ELMO1: variants seen among roughly 807,000 people sequenced by gnomAD.
The protein encoded by ELMO1 is engulfment and cell motility 1.
A neutral mutation model predicts 98.9 loss-of-function variants in ELMO1; 26 were observed. That is an observed-to-expected ratio of 0.26 (90% CI 0.19 to 0.36). The LOEUF is 0.36. Ranked by LOEUF, ELMO1 falls within the 10% of genes least tolerant of loss-of-function variation. The probability of loss-of-function intolerance (pLI) is 1.00; values close to 1 mark genes in which losing one functional copy is unlikely to be tolerated. For missense variants in ELMO1, 627 were observed against 935.2 expected (o/e 0.67, Z 4.30); for synonymous variants, 346 against 346.0 (o/e 1.00, Z 0.00).
intron 16 of ELMO1, among the ~76,000 whole-genome samples, chr7:36,998,214 G>C (rs1009917172): frequency 1.3e-4 from 20 of 152,314 alleles, no homozygotes; most frequent in African/African-American, 4.8e-4. Flanking sequence ...TTCTTCATCA[G>C]AGCAGGGATT....
chr7:37,418,367 A>G (rs1804320443), intron 1 of ELMO1, among the ~76,000 whole-genome samples: 1 of 152,160 alleles, frequency 6.6e-6, no homozygotes, highest in African/African-American at 2.4e-5. Context: ...TCTGCTCCCC[A>G]TACCTCTACC....
intron 4 of ELMO1, among the ~76,000 whole-genome samples, chr7:37,278,113 C>CTTTTTTTTTTTTTTTT (rs36110041): frequency 1.2e-5 from 1 of 85,608 alleles, no homozygotes; most frequent in African/African-American, 4.7e-5. Context: ...ATAGCTTTTC[C>CTTTTTTTTTTTTTTTT]TTTTTTTTTT....
chr7:37,035,013 A>T (rs1378784765), intron 15 of ELMO1, among the ~76,000 whole-genome samples: 1 of 152,188 alleles, frequency 6.6e-6, no homozygotes, highest in Non-Finnish European at 1.5e-5. Context: ...GCCCAGAACC[A>T]GTAGAGTTAA....
chr7:37,243,876 T>A (rs1053550211), intron 7 of ELMO1, among the ~76,000 whole-genome samples: 4 of 152,206 alleles, frequency 2.6e-5, no homozygotes, highest in Non-Finnish European at 5.9e-5. Context: ...ATTCACTTCA[T>A]AGATAGGTGA....
At chr7:37,032,681 C>A (rs186424140) in intron 15 of ELMO1, among the ~76,000 whole-genome samples, 5 of 152,350 alleles carry the variant, frequency 3.3e-5, no homozygotes, top group Admixed American at 2.0e-4. Context: ...CCAACCACGA[C>A]AATCTTCTGG....
intron 15 of ELMO1, among the ~76,000 whole-genome samples, chr7:37,068,733 G>A (rs1797115012): frequency 6.6e-6 from 1 of 152,080 alleles, no homozygotes; most frequent in Non-Finnish European, 1.5e-5. Flanking sequence ...TTTACAAAAG[G>A]GGAGATAGTG....
At chr7:37,225,641 C>T (rs1369965235) in intron 8 of ELMO1, among the ~76,000 whole-genome samples, 1 of 152,160 alleles carries the variant, frequency 6.6e-6, no homozygotes, top group Non-Finnish European at 1.5e-5. Context: ...CCAAATTTAG[C>T]AAACAGGAAA....
intron 9 of ELMO1, among the ~76,000 whole-genome samples, chr7:37,224,660 G>T (rs1165761080): frequency 1.3e-5 from 2 of 152,188 alleles, no homozygotes; most frequent in Non-Finnish European, 2.9e-5. Context: ...CGTGGGGACA[G>T]GCAATGCCAA....
chr7:36,934,972 T>C (rs1786384230), intron 16 of ELMO1, among the ~76,000 whole-genome samples: 1 of 151,330 alleles, frequency 6.6e-6, no homozygotes, highest in African/African-American at 2.4e-5. Context: ...AACAATATTA[T>C]CAGGACCACC....
intron 16 of ELMO1, among the ~76,000 whole-genome samples, chr7:36,920,772 C>T (rs906321653): frequency 6.6e-6 from 1 of 151,994 alleles, no homozygotes; most frequent in Non-Finnish European, 1.5e-5. Flanking sequence ...CCTGAAATGC[C>T]GTCTTGCTTG....
At chr7:37,140,227 A>G (rs1297940396) in intron 13 of ELMO1, among the ~76,000 whole-genome samples, 1 of 151,086 alleles carries the variant, frequency 6.6e-6, no homozygotes, top group Admixed American at 6.6e-5. Flanking sequence ...AAAAAAAAAA[A>G]TACAAAAAAT....
chr7:37,180,577 G>A (rs1790790148), intron 13 of ELMO1, among the ~76,000 whole-genome samples: 1 of 152,108 alleles, frequency 6.6e-6, no homozygotes, highest in Admixed American at 6.6e-5. Flanking sequence ...AAGAATAAGT[G>A]TAAAGGAAAT....
At chr7:37,148,668 G>A (rs1013030146) in intron 13 of ELMO1, among the ~76,000 whole-genome samples, 3 of 152,160 alleles carry the variant, frequency 2.0e-5, no homozygotes, top group Non-Finnish European at 4.4e-5. Context: ...TAATGAAATA[G>A]TATTGTCAAG....
intron 13 of ELMO1, among the ~76,000 whole-genome samples, chr7:37,164,698 T>C (rs1454823981): frequency 6.7e-6 from 1 of 150,302 alleles, no homozygotes; most frequent in Non-Finnish European, 1.5e-5. Context: ...TTGATCTATA[T>C]CTCTGTTTTG....
intron 13 of ELMO1, among the ~76,000 whole-genome samples, chr7:37,210,627 T>A (rs897190898): frequency 4.6e-5 from 7 of 151,874 alleles, no homozygotes; most frequent in African/African-American, 7.3e-5. Flanking sequence ...ATAGCTTATA[T>A]ATTTTTTTCC....
intron 16 of ELMO1, among the ~76,000 whole-genome samples, chr7:36,996,307 T>A (rs1380644470): frequency 6.6e-6 from 1 of 152,106 alleles, no homozygotes; most frequent in African/African-American, 2.4e-5. Flanking sequence ...TGTCCTAGAG[T>A]GTGCTTTTTC....
intron 4 of ELMO1, among the ~76,000 whole-genome samples, chr7:37,293,583 G>A (rs1280854573): frequency 2.8e-5 from 3 of 108,884 alleles, no homozygotes; most frequent in East Asian, 2.2e-4. Context: ...AAACACTGCG[G>A]AAGGCCGCAG....
chr7:37,402,012 T>C (rs1460269577), intron 1 of ELMO1, among the ~76,000 whole-genome samples: 1 of 152,230 alleles, frequency 6.6e-6, no homozygotes, highest in Non-Finnish European at 1.5e-5. Context: ...AACCTAAGCA[T>C]AAAAATACAC....
At position 36,888,636 on chromosome 7, in the gene ELMO1, G is replaced by A. The variant is rs891160404; in HGVS notation, c.1602-964C>T. Among the ~76,000 whole-genome samples the A allele has an allele frequency of 4.6e-5, 7 of 152,218 alleles. No homozygotes were observed. The South Asian group carries it at 1.2e-3, about 27-fold the overall frequency. ...CTTTCCTGCTGTGACTCCCAAATGA[G>A]ACAGAATACAAGTCTTTATTAAGCA... On this transcript the variant is annotated intron_variant, in intron 17 of 21. Transcript: ENST00000310758.
Sources: gnomAD v4.1 joint callset for allele counts (sites outside exome capture counted in the v4.1 genomes callset) on GRCh38, gnomAD v4.1.1 for gene constraint, MANE v1.5 for transcripts, NCBI Gene and HGNC (gene_info 2026-07-23, HGNC 2026-07-21) for gene names.